Variants in NSUN4 observed in about 807,000 individuals in gnomAD.
NSUN4 encodes the protein 5-cytosine rRNA methyltransferase NSUN4.
A neutral mutation model predicts 43.8 loss-of-function variants in NSUN4; 31 were observed. The ratio of observed to expected loss-of-function variants is 0.71; its 90% confidence interval spans 0.53 to 0.96. The LOEUF is 0.96. Among genes scored for constraint, NSUN4 ranks in the 40% least tolerant of loss-of-function variants. The pLI is 0.00. For missense variants in NSUN4, 439 were observed against 475.6 expected, an observed-to-expected ratio of 0.92 and a Z score of 0.72; for synonymous variants, 167 against 184.1, an observed-to-expected ratio of 0.91 and a Z score of 0.75.
downstream of NSUN4, among the ~76,000 whole-genome samples, chr1:46,369,851 C>T (rs1664209111): frequency 6.6e-6 from 1 of 152,154 alleles, no homozygotes; most frequent in African/African-American, 2.4e-5. Context: ...AACTGGAAGC[C>T]ATTGTCGGAG....
chr1:46,356,277 T>C (rs559871296), intron 4 of NSUN4, among the ~76,000 whole-genome samples: 1 of 152,226 alleles, frequency 6.6e-6, no homozygotes, highest in East Asian at 1.9e-4. Flanking sequence ...CACTATGTTG[T>C]CCAAGCTGGT....
At position 46,362,379 on chromosome 1, in the gene NSUN4, G is replaced by A. The variant is rs185375445; in HGVS notation, c.*533G>A. ...GCTCATGATCTAATTTAAGGAACAA[G>A]TAACTAAAAATGTTAAGCCAGTGCA... is the stretch of plus-strand genomic sequence containing the variant. On this transcript the variant is annotated 3_prime_UTR_variant, in exon 6 of 6. Coordinates refer to ENST00000474844, the MANE Select transcript of NSUN4 (RefSeq NM_199044.4). 1.3e-3 allele frequency: 199 copies of A among 153,866 alleles called. No homozygotes were observed. Among genetic ancestry groups the A allele is most frequent in the Non-Finnish European group, 2.1e-3 (145 of 69,082 alleles). The allele number at this position is 153,866 out of a possible 1,614,324, so 9.5% of individuals were successfully genotyped here.
Position 46,363,319 on chromosome 1 carries a change from A to G in NSUN4, c.*1473A>G, listed in dbSNP as rs952732236. On this transcript the variant is annotated 3_prime_UTR_variant, in exon 6 of 6. Transcript: ENST00000474844. ...GACCGTAACCGCCTCCGTGCGTGGC[A>G]TATGGTCCCTGCATGCTGTTCACTC... 1 of 152,240 alleles carries G rather than the reference A, an allele frequency of 6.6e-6. No homozygotes were observed. Among genetic ancestry groups the G allele is most frequent in the Non-Finnish European group, 1.5e-5 (1 of 68,076 alleles). The allele number at this position is 152,240 out of a possible 1,614,324, so 9.4% of individuals were successfully genotyped here. A position where few individuals can be genotyped will look rare whatever the true frequency, so the allele number is the denominator to read the frequency against.
At chr1:46,366,987 A>T (rs1477781350), downstream of NSUN4, among the ~76,000 whole-genome samples, 1 of 152,160 alleles carries the variant, frequency 6.6e-6, no homozygotes, top group Non-Finnish European at 1.5e-5. Flanking sequence ...AGACTGGTAA[A>T]AGCTTTGGCC....
chr1:46,350,289 C>T (rs1327826262), intron 3 of NSUN4, among the ~76,000 whole-genome samples: 1 of 152,052 alleles, frequency 6.6e-6, no homozygotes, highest in Non-Finnish European at 1.5e-5. Context: ...CCAGCACAAG[C>T]TAGGAGGCTG....
intron 4 of NSUN4, among the ~76,000 whole-genome samples, chr1:46,356,361 G>A (rs1008347659): frequency 1.1e-4 from 17 of 152,222 alleles, no homozygotes; most frequent in African/African-American, 4.1e-4. Flanking sequence ...GTGAGCCACC[G>A]TGCCCAGCCG....
downstream of NSUN4, among the ~76,000 whole-genome samples, chr1:46,367,750 C>G (rs1485263673): frequency 1.4e-5 from 2 of 142,860 alleles, no homozygotes; most frequent in African/African-American, 5.1e-5. Context: ...CAAAAAGTTA[C>G]AATCTGAAAT....
chr1:46,359,410 A>G (rs1663639334), intron 4 of NSUN4, among the ~76,000 whole-genome samples: 1 of 151,256 alleles, frequency 6.6e-6, no homozygotes, highest in South Asian at 2.1e-4. Flanking sequence ...GCGAAGTCTC[A>G]CTTTGTTGCC....
At chr1:46,370,208 C>T in the NSUN4 span, among the ~76,000 whole-genome samples, 2 of 152,246 alleles carry the variant, frequency 1.3e-5, no homozygotes, top group African/African-American at 4.8e-5. Context: ...ATGTTGTCTC[C>T]AACTAGGACT....
chr1:46,367,322 C>T (rs571288916), downstream of NSUN4, among the ~76,000 whole-genome samples: 6 of 152,336 alleles, frequency 3.9e-5, no homozygotes, highest in East Asian at 1.2e-3. Flanking sequence ...GTATATCGAA[C>T]GTACCTGAGC....
downstream of NSUN4, among the ~76,000 whole-genome samples, chr1:46,366,456 T>A (rs567075797): frequency 2.1e-4 from 32 of 152,242 alleles, no homozygotes; most frequent in African/African-American, 7.7e-4. Flanking sequence ...TAAAAAGTTA[T>A]ACATAAAAAT....
At chr1:46,345,412 T>TC (rs1337911217) in intron 2 of NSUN4, 5 of 408,430 alleles carry the variant, frequency 1.2e-5, no homozygotes, top group Non-Finnish European at 2.2e-5. Flanking sequence ...TTGCTTTAGG[T>TC]CCCTCAGATG....
chr1:46,370,067 G>A (rs1471840820), downstream of NSUN4, among the ~76,000 whole-genome samples: 1 of 152,184 alleles, frequency 6.6e-6, no homozygotes, highest in Non-Finnish European at 1.5e-5. Context: ...ATATTTTGAG[G>A]TGACACTTTA....
chr1:46,360,439 T>TAAA (rs374601812), intron 4 of NSUN4, among the ~76,000 whole-genome samples: 1 of 140,168 alleles, frequency 7.1e-6, no homozygotes, highest in African/African-American at 2.7e-5. Context: ...CTCTAAAAAT[T>TAAA]AAAAAAAAAA....
intron 4 of NSUN4, among the ~76,000 whole-genome samples, chr1:46,357,763 A>G (rs76658738): frequency 0.022 from 3,402 of 151,928 alleles, 114 homozygotes; most frequent in African/African-American, 0.076. Context: ...ATCCCTTTAT[A>G]TTTAGGTCAT....
At chr1:46,349,109 A>G (rs536045127) in intron 3 of NSUN4, among the ~76,000 whole-genome samples, 1 of 142,672 alleles carries the variant, frequency 7.0e-6, no homozygotes, top group Non-Finnish European at 1.5e-5. Context: ...CACCGCGCCC[A>G]GTCTTGTGCA....
At chr1:46,352,266 A>G (rs1306626722) in intron 3 of NSUN4, among the ~76,000 whole-genome samples, 2 of 151,966 alleles carry the variant, frequency 1.3e-5, no homozygotes, top group African/African-American at 4.8e-5. Flanking sequence ...AGCCTGGCCA[A>G]CATGGTGAAA....
At chr1:46,367,173 C>G (rs1333474085), downstream of NSUN4, among the ~76,000 whole-genome samples, 2 of 152,236 alleles carry the variant, frequency 1.3e-5, no homozygotes, top group East Asian at 3.9e-4. Flanking sequence ...AGTAACAACT[C>G]AAATCACCAC....
At chr1:46,372,625 A>G in the NSUN4 span, among the ~76,000 whole-genome samples, 1 of 152,208 alleles carries the variant, frequency 6.6e-6, no homozygotes, top group African/African-American at 2.4e-5. Flanking sequence ...TTCTCCCACC[A>G]GATGGCCTAA....
Sources: gnomAD v4.1 joint callset for allele counts (sites outside exome capture counted in the v4.1 genomes callset) on GRCh38, gnomAD v4.1.1 for gene constraint, MANE v1.5 for transcripts, NCBI Gene and HGNC (gene_info 2026-07-23, HGNC 2026-07-21) for gene names.